Variants in DCDC1 observed in about 807,000 individuals in gnomAD.
DCDC1 encodes doublecortin domain containing 1, also known as doublecortin domain-containing protein 1.
DCDC1 carries 200 observed loss-of-function variants against 178.3 expected under a neutral mutation model. The observed-to-expected ratio is 1.12, with a 90% CI of 1.00 to 1.26. DCDC1 has a LOEUF of 1.26. DCDC1 is among the 50% of genes most tolerant of loss of function. DCDC1 has a pLI of 0.00. For missense variants in DCDC1, 1,983 were observed against 1,749.2 expected, an observed-to-expected ratio of 1.13 and a Z score of -2.38; for synonymous variants, 690 against 604.8, an observed-to-expected ratio of 1.14 and a Z score of -2.07.
chr11:31,086,793 C>T (rs928157706), intron 17 of DCDC1, among the ~76,000 whole-genome samples: 1 of 152,026 alleles, frequency 6.6e-6, no homozygotes, highest in African/African-American at 2.4e-5. Flanking sequence ...TTGTTGTATT[C>T]CATTTGCTAA....
At chr11:31,071,023 A>C (rs951981236) in intron 18 of DCDC1, among the ~76,000 whole-genome samples, 3 of 152,194 alleles carry the variant, frequency 2.0e-5, no homozygotes, top group Non-Finnish European at 4.4e-5. Flanking sequence ...AACTTAGAAA[A>C]TGTAGTAAAA....
At position 31,001,872 on chromosome 11, in the gene DCDC1, A is replaced by G. The variant is rs1487801025; in HGVS notation, c.2592-49304T>C. Among the ~76,000 whole-genome samples the G allele has an allele frequency of 2.6e-5, 4 of 152,220 alleles. No individual in the cohort carries two copies. In the East Asian group the frequency reaches 5.8e-4, roughly 22 times the overall value. On this transcript the variant is annotated intron_variant, in intron 20 of 38. Coordinates refer to ENST00000684477, the MANE Select transcript of DCDC1 (RefSeq NM_001387274.1). ...ATAAGCTTGGTTTCCCTTTGGAGAT[A>G]TTAAAGAATCAGCAACAGTTCATCC...
At position 31,209,302 on chromosome 11, in the gene DCDC1, C is replaced by G. The variant is rs183203877; in HGVS notation, c.1221+32148G>C. Among the ~76,000 whole-genome samples the G allele has an allele frequency of 2.0e-5, 3 of 152,240 alleles. No individual in the cohort carries two copies. The East Asian group carries it at 5.8e-4, about 29-fold the overall frequency. ...GTACGTTCCCTCCGAGGTAACATACCTGGCAAAGGCAGGGAATGGTAGTGA... is the reference window on the plus strand; with the variant it reads ...GTACGTTCCCTCCGAGGTAACATACGTGGCAAAGGCAGGGAATGGTAGTGA... On this transcript the variant is annotated intron_variant, in intron 9 of 38. Transcript: ENST00000684477.
chr11:31,288,904 A>G (rs1367797658), intron 7 of DCDC1, among the ~76,000 whole-genome samples: 1 of 151,896 alleles, frequency 6.6e-6, no homozygotes, highest in Non-Finnish European at 1.5e-5. Context: ...CAAGATCAGC[A>G]TTTTGTTGCC....
chr11:31,213,746 C>T (rs1973160370), intron 9 of DCDC1, among the ~76,000 whole-genome samples: 1 of 151,176 alleles, frequency 6.6e-6, no homozygotes. Context: ...AAAAAGTGGT[C>T]ATCTTCTACT....
chr11:31,002,668 C>A (rs926321041), intron 20 of DCDC1, among the ~76,000 whole-genome samples: 25 of 152,110 alleles, frequency 1.6e-4, no homozygotes, highest in Admixed American at 1.6e-3. Context: ...TTACACACTA[C>A]CTTCATTTTT....
Position 30,909,100 on chromosome 11 carries a change from T to C in DCDC1, c.3764A>G (p.Asn1255Ser). 1 of 1,609,688 alleles carries C rather than the reference T, an allele frequency of 6.2e-7. No individual in the cohort carries two copies. Among genetic ancestry groups the C allele is most frequent in the Non-Finnish European group, 8.5e-7 (1 of 1,177,124 alleles). Residue 1255 changes from asparagine (N) to serine (S), a missense_variant, in exon 29 of 39, where the codon AAC becomes AGC. Physicochemically the swap from Asn to Ser is conservative, Grantham distance 46. Transcript: ENST00000684477. ...CCACTTTTGATTGGCAGCTCCATTG[T>C]TGTACGGCTTATATTTCTGAAAAAA... is the stretch of plus-strand genomic sequence containing the variant. ...PVIVQKYKPY[N>S]NGAANQKWHY...
At chr11:30,933,207 T>C (rs996627636) in intron 21 of DCDC1, among the ~76,000 whole-genome samples, 3 of 152,092 alleles carry the variant, frequency 2.0e-5, no homozygotes. Flanking sequence ...AGGGCAAATA[T>C]GCTCACCTTT....
At chr11:31,209,804 G>C (rs763888895) in intron 9 of DCDC1, among the ~76,000 whole-genome samples, 1 of 152,144 alleles carries the variant, frequency 6.6e-6, no homozygotes, top group Admixed American at 6.5e-5. Context: ...GAAGAATTGT[G>C]GAAAGACCTC....
chr11:31,218,269 A>T (rs1973826239), intron 9 of DCDC1, among the ~76,000 whole-genome samples: 1 of 152,196 alleles, frequency 6.6e-6, no homozygotes, highest in South Asian at 2.1e-4. Context: ...AATGCAATTG[A>T]TAATACACAT....
intron 1 of DCDC1, among the ~76,000 whole-genome samples, chr11:31,337,299 A>C (rs941721732): frequency 6.6e-6 from 1 of 152,224 alleles, no homozygotes; most frequent in Non-Finnish European, 1.5e-5. Context: ...TGAAACTATA[A>C]AAAGTAGCAC....
chr11:31,010,174 C>T (rs1445231689), intron 20 of DCDC1, among the ~76,000 whole-genome samples: 1 of 152,228 alleles, frequency 6.6e-6, no homozygotes, highest in African/African-American at 2.4e-5. Flanking sequence ...GTGACCCAGT[C>T]AAGGTGACAT....
chr11:31,347,323 C>T (rs562934918), intron 1 of DCDC1, among the ~76,000 whole-genome samples: 13 of 152,274 alleles, frequency 8.5e-5, no homozygotes, highest in African/African-American at 2.6e-4. Context: ...ACACTCCTTT[C>T]GTAGCTTGGT....
chr11:31,144,135 A>G (rs1023384678), intron 9 of DCDC1, among the ~76,000 whole-genome samples: 1 of 151,992 alleles, frequency 6.6e-6, no homozygotes, highest in Non-Finnish European at 1.5e-5. Flanking sequence ...TTTTTTTATT[A>G]TATTTTATTT....
At chr11:31,362,944 T>C (rs1414831168) in intron 1 of DCDC1, among the ~76,000 whole-genome samples, 1 of 150,778 alleles carries the variant, frequency 6.6e-6, no homozygotes, top group Non-Finnish European at 1.5e-5. Flanking sequence ...ACTAGTAAAC[T>C]GACATAAGTA....
chr11:31,074,422 G>C (rs1366951706), intron 18 of DCDC1, among the ~76,000 whole-genome samples: 1 of 152,160 alleles, frequency 6.6e-6, no homozygotes, highest in Non-Finnish European at 1.5e-5. Flanking sequence ...AGTTGATTGA[G>C]TCATATGGCA....
chr11:31,001,397 A>G (rs879572524), intron 20 of DCDC1, among the ~76,000 whole-genome samples: 4 of 152,186 alleles, frequency 2.6e-5, no homozygotes, highest in Non-Finnish European at 4.4e-5. Context: ...AGAAACACTA[A>G]GAAATCTTTT....
At chr11:31,292,702 C>T (rs1947320401) in intron 6 of DCDC1, among the ~76,000 whole-genome samples, 3 of 151,948 alleles carry the variant, frequency 2.0e-5, no homozygotes, top group African/African-American at 7.3e-5. Flanking sequence ...GTTAGTTACA[C>T]AACAGTGTGA....
chr11:31,019,614 G>GAT (rs1952733968), intron 20 of DCDC1, among the ~76,000 whole-genome samples: 2 of 152,040 alleles, frequency 1.3e-5, no homozygotes, highest in Admixed American at 1.3e-4. Context: ...TGATAGAATA[G>GAT]CATAACTGGT....
Sources: allele counts gnomAD v4.1 joint callset (sites outside exome capture counted in the v4.1 genomes callset), GRCh38; gene constraint gnomAD v4.1.1; transcripts MANE v1.5; gene names NCBI Gene and HGNC (gene_info 2026-07-23, HGNC 2026-07-21).